CAMK1D: variants seen among roughly 807,000 people sequenced by gnomAD.
CAMK1D encodes the protein calcium/calmodulin dependent protein kinase ID.
In CAMK1D, 9 loss-of-function variants were observed where a neutral mutation model predicts 47.7. The ratio of observed to expected loss-of-function variants is 0.19; its 90% CI spans 0.11 to 0.33. The LOEUF is 0.33. CAMK1D is among the 10% of genes least tolerant of loss of function. CAMK1D has a pLI of 1.00. For synonymous variants in CAMK1D, 184 were observed against 184.9 expected (o/e 0.99, Z 0.04); for missense variants, 291 against 488.7 (o/e 0.60, Z 3.81).
chr10:12,788,783 G>T (rs952657268), intron 5 of CAMK1D, among the ~76,000 whole-genome samples: 4 of 152,212 alleles, frequency 2.6e-5, no homozygotes, highest in Admixed American at 6.5e-5. Flanking sequence ...GCTATCGCCC[G>T]GCCAGCCAAG....
At chr10:12,618,511 C>T (rs925886816) in intron 2 of CAMK1D, among the ~76,000 whole-genome samples, 1 of 152,140 alleles carries the variant, frequency 6.6e-6, no homozygotes, top group Non-Finnish European at 1.5e-5. Context: ...TGGATGAAAA[C>T]CCTTGTTCAT....
intron 1 of CAMK1D, among the ~76,000 whole-genome samples, chr10:12,543,119 C>T (rs1836250102): frequency 6.6e-6 from 1 of 152,160 alleles, no homozygotes; most frequent in South Asian, 2.1e-4. Flanking sequence ...ACGATCTTGG[C>T]TCACTGCAAC....
chr10:12,625,601 A>G (rs12768605), intron 2 of CAMK1D, among the ~76,000 whole-genome samples: 665 of 95,962 alleles, frequency 6.9e-3, no homozygotes, highest in Middle Eastern at 0.028. Context: ...AAAGTGCTGG[A>G]ATTACAGGCA....
chr10:12,722,409 G>C (rs1834427746), intron 3 of CAMK1D, among the ~76,000 whole-genome samples: 1 of 114,224 alleles, frequency 8.8e-6, no homozygotes, highest in Admixed American at 1.4e-4. Flanking sequence ...TTGTGCCACT[G>C]CACCTCCAGC....
chr10:12,802,913 G>A (rs550849144), intron 6 of CAMK1D, among the ~76,000 whole-genome samples: 1 of 152,300 alleles, frequency 6.6e-6, no homozygotes, highest in Non-Finnish European at 1.5e-5. Flanking sequence ...TGACTGCAGA[G>A]GCAGGTTCTG....
intron 2 of CAMK1D, among the ~76,000 whole-genome samples, chr10:12,556,953 G>A (rs1836780860): frequency 1.3e-5 from 2 of 152,188 alleles, no homozygotes; most frequent in South Asian, 4.1e-4. Flanking sequence ...ACAGTTATGA[G>A]TGTGTGAACA....
Position 12,618,557 on chromosome 10 carries a change from G to T in CAMK1D, c.225-48179G>T, listed in dbSNP as rs79953220. Among the ~76,000 whole-genome samples, 936 of 152,244 alleles carry T rather than the reference G, an allele frequency of 6.1e-3. 14 individuals carry two copies. Among genetic ancestry groups the T allele is most frequent in the African/African-American group, 0.021 (890 of 41,538 alleles). ...AGACTCGTGGGGGGATTTTTTGGGAGCCTCATATTCAGAAGAAAGCATACA... is the reference window on the plus strand; with the variant it reads ...AGACTCGTGGGGGGATTTTTTGGGATCCTCATATTCAGAAGAAAGCATACA... On this transcript the variant is annotated intron_variant, in intron 2 of 10. Coordinates refer to ENST00000619168, the MANE Select transcript of CAMK1D (RefSeq NM_153498.4).
At chr10:12,430,674 T>G (rs1015139146) in intron 1 of CAMK1D, among the ~76,000 whole-genome samples, 5 of 152,144 alleles carry the variant, frequency 3.3e-5, no homozygotes, top group African/African-American at 1.2e-4. Context: ...TGCCGAGTAT[T>G]GGATATGTCT....
At chr10:12,410,301 CTG>C (rs374152730) in intron 1 of CAMK1D, among the ~76,000 whole-genome samples, 1 of 152,140 alleles carries the variant, frequency 6.6e-6, no homozygotes, top group African/African-American at 2.4e-5. Flanking sequence ...GTGTGTAACT[CTG>C]TATTTTCTTG....
At chr10:12,409,803 T>C (rs1465944289) in intron 1 of CAMK1D, among the ~76,000 whole-genome samples, 1 of 152,238 alleles carries the variant, frequency 6.6e-6, no homozygotes, top group Non-Finnish European at 1.5e-5. Flanking sequence ...CTTTCTGTTT[T>C]CAAAATTTTT....
intron 2 of CAMK1D, among the ~76,000 whole-genome samples, chr10:12,584,245 A>G (rs933301895): frequency 3.9e-5 from 6 of 152,214 alleles, no homozygotes; most frequent in African/African-American, 9.7e-5. Context: ...TTAAGGGATA[A>G]TTAAGGATAA....
chr10:12,560,693 C>T (rs987832877), intron 2 of CAMK1D, among the ~76,000 whole-genome samples: 1 of 151,878 alleles, frequency 6.6e-6, no homozygotes, highest in East Asian at 1.9e-4. Flanking sequence ...ACCAATACAG[C>T]TTTTTAAGGA....
At chr10:12,515,844 C>G (rs755984973) in intron 1 of CAMK1D, among the ~76,000 whole-genome samples, 1 of 152,024 alleles carries the variant, frequency 6.6e-6, no homozygotes, top group Non-Finnish European at 1.5e-5. Context: ...CTCTCCTGAC[C>G]TTGTGATCCC....
chr10:12,459,053 AT>A (rs1244355267), intron 1 of CAMK1D, among the ~76,000 whole-genome samples: 2 of 151,506 alleles, frequency 1.3e-5, no homozygotes, highest in Admixed American at 1.3e-4. Context: ...TGATTTTTGT[AT>A]TTTTAGTAGA....
intron 1 of CAMK1D, among the ~76,000 whole-genome samples, chr10:12,406,093 G>T (rs1471122188): frequency 1.3e-5 from 2 of 152,122 alleles, no homozygotes; most frequent in Non-Finnish European, 2.9e-5. Flanking sequence ...ATTAGCGGTT[G>T]GCTTGTTGGG....
intron 2 of CAMK1D, among the ~76,000 whole-genome samples, chr10:12,623,278 TTC>T (rs1564451853): frequency 2.4e-4 from 3 of 12,714 alleles, no homozygotes; most frequent in Non-Finnish European, 8.0e-4. Context: ...CCTCCCTCCC[TTC>T]CTTCCTCCCT....
chr10:12,698,914 G>A (rs1167471581), intron 3 of CAMK1D, among the ~76,000 whole-genome samples: 1 of 151,920 alleles, frequency 6.6e-6, no homozygotes, highest in African/African-American at 2.4e-5. Context: ...CTCGTGATCT[G>A]CCTACCTCAG....
intron 1 of CAMK1D, among the ~76,000 whole-genome samples, chr10:12,395,319 C>T (rs994532703): frequency 9.9e-5 from 15 of 151,978 alleles, no homozygotes; most frequent in Admixed American, 3.3e-4. Context: ...CCCCCGCCTC[C>T]GCAGAGGTTT....
intron 1 of CAMK1D, among the ~76,000 whole-genome samples, chr10:12,502,557 A>G (rs1222061129): frequency 6.6e-6 from 1 of 152,156 alleles, no homozygotes; most frequent in Non-Finnish European, 1.5e-5. Flanking sequence ...TACCTCCACC[A>G]TACAGAGGAG....
Sources: gnomAD v4.1 joint callset for allele counts (sites outside exome capture counted in the v4.1 genomes callset) on GRCh38, gnomAD v4.1.1 for gene constraint, MANE v1.5 for transcripts, NCBI Gene and HGNC (gene_info 2026-07-23, HGNC 2026-07-21) for gene names.